The following ANTXR1 variants were observed in gnomAD, a reference collection of about 807,000 sequenced individuals.
ANTXR1 encodes the protein ANTXR cell adhesion molecule 1.
In ANTXR1, 19 loss-of-function variants were observed where a neutral mutation model predicts 78.1. That is an observed-to-expected ratio of 0.24 (90% CI 0.17 to 0.36). The LOEUF (loss-of-function observed/expected upper bound fraction) is 0.36. Ranked by LOEUF, ANTXR1 falls within the 10% of genes least tolerant of loss-of-function variation. ANTXR1 has a pLI of 1.00. For synonymous variants in ANTXR1, 273 were observed against 260.5 expected (o/e 1.05, Z -0.46); for missense variants, 518 against 718.6 (o/e 0.72, Z 3.19).
At chr2:69,079,155 A>G (rs13022301) in intron 8 of ANTXR1, among the ~76,000 whole-genome samples, 108,132 of 152,040 alleles carry the variant, frequency 0.71, 39,030 homozygotes, top group African/African-American at 0.82. Context: ...AGAAAGTGGA[A>G]ATTATTGATA....
At chr2:69,126,475 T>C (rs1301470884) in intron 12 of ANTXR1, among the ~76,000 whole-genome samples, 3 of 152,142 alleles carry the variant, frequency 2.0e-5, no homozygotes, top group African/African-American at 7.2e-5. Context: ...AAATTGACCC[T>C]TCTGGGACCT....
At chr2:69,032,303 A>G (rs558292966) in intron 1 of ANTXR1, among the ~76,000 whole-genome samples, 1 of 152,282 alleles carries the variant, frequency 6.6e-6, no homozygotes, top group South Asian at 2.1e-4. Flanking sequence ...AGTGAAGGCA[A>G]TGGTTCTATC....
intron 17 of ANTXR1, among the ~76,000 whole-genome samples, chr2:69,228,752 G>C (rs1230947293): frequency 1.3e-5 from 2 of 152,174 alleles, no homozygotes; most frequent in African/African-American, 4.8e-5. Flanking sequence ...AGGGGGCTTG[G>C]CCAGTGTGAC....
At position 69,118,738 on chromosome 2, in the gene ANTXR1, C is replaced by T. The variant is rs576531545; in HGVS notation, c.803-4279C>T. ...CACGGCCCTGGGGCCAAACGTGGCA[C>T]GGCCGAGGTGCAGCAAGGAAGGCTT... On this transcript the variant is annotated intron_variant, in intron 10 of 17. Coordinates refer to ENST00000303714, the MANE Select transcript of ANTXR1 (RefSeq NM_032208.3). 1.1e-4 allele frequency among the ~76,000 whole-genome samples: 16 copies of T among 152,282 alleles called. No homozygotes were observed. The East Asian group carries it at 1.7e-3, about 17-fold the overall frequency.
Position 69,183,951 on chromosome 2 carries a change from A to G in ANTXR1, c.1353+1291A>G, listed in dbSNP as rs6732291. On this transcript the variant is annotated intron_variant, in intron 16 of 17. Coordinates refer to ENST00000303714, the MANE Select transcript of ANTXR1 (RefSeq NM_032208.3). ...GTCTGGAAAACAAGGCCCCCAACTCAGGGCTACAGACTCCAGTTTCAAGCT... is the reference window on the plus strand; with the variant it reads ...GTCTGGAAAACAAGGCCCCCAACTCGGGGCTACAGACTCCAGTTTCAAGCT... Among the ~76,000 whole-genome samples, 279 of 152,228 alleles carry G rather than the reference A, an allele frequency of 1.8e-3. 1 individual carries two copies. The highest frequency in any genetic ancestry group is 6.2e-3 in the African/African-American group (258 of 41,546).
At chr2:69,131,163 C>G (rs925810719) in intron 12 of ANTXR1, among the ~76,000 whole-genome samples, 9 of 152,192 alleles carry the variant, frequency 5.9e-5, no homozygotes, top group African/African-American at 1.9e-4. Flanking sequence ...TCTATATGTA[C>G]TTTCTTTGGG....
intron 1 of ANTXR1, among the ~76,000 whole-genome samples, chr2:69,019,465 GATAT>G (rs757186066): frequency 5.3e-5 from 8 of 151,808 alleles, no homozygotes; most frequent in Non-Finnish European, 1.0e-4. Context: ...GGGTTTTCTG[GATAT>G]ATAATTATAT....
intron 14 of ANTXR1, chr2:69,172,431 C>T: frequency 6.2e-7 from 1 of 1,600,556 alleles, no homozygotes; most frequent in Non-Finnish European, 8.5e-7. Flanking sequence ...TAACCTAACA[C>T]AGCCCGTGCA....
intron 1 of ANTXR1, among the ~76,000 whole-genome samples, chr2:69,020,668 G>A (rs1671165394): frequency 6.6e-6 from 1 of 152,198 alleles, no homozygotes; most frequent in Non-Finnish European, 1.5e-5. Context: ...GTGTGTCTAT[G>A]TTTGGTATGC....
rs541350612 is a variant in ANTXR1 at position 69,206,804 on chromosome 2, A to T, written c.1434+13389A>T. On this transcript the variant is annotated intron_variant, in intron 17 of 17. Coordinates refer to ENST00000303714, the MANE Select transcript of ANTXR1 (RefSeq NM_032208.3). ...CCCACAGCACCTCATCAGCTGCACTAGTGTGTTCTGCAGTAGATCCACTGC... is the reference window on the plus strand; with the variant it reads ...CCCACAGCACCTCATCAGCTGCACTTGTGTGTTCTGCAGTAGATCCACTGC... 2.6e-5 allele frequency among the ~76,000 whole-genome samples: 4 copies of T among 152,318 alleles called. No homozygotes were observed. In the South Asian group the frequency reaches 8.3e-4, roughly 32 times the overall value.
At chr2:69,129,439 G>C (rs775957766) in intron 12 of ANTXR1, among the ~76,000 whole-genome samples, 10 of 152,124 alleles carry the variant, frequency 6.6e-5, no homozygotes, top group Non-Finnish European at 1.2e-4. Context: ...GTTGGAGAAA[G>C]AGTCCAACAA....
At chr2:69,033,725 T>C (rs993290042) in intron 1 of ANTXR1, among the ~76,000 whole-genome samples, 2 of 152,226 alleles carry the variant, frequency 1.3e-5, no homozygotes, top group African/African-American at 2.4e-5. Context: ...ATAATTTCCA[T>C]CCTTAGAGCT....
intron 17 of ANTXR1, among the ~76,000 whole-genome samples, chr2:69,221,881 G>T (rs2104511318): frequency 6.6e-6 from 1 of 152,248 alleles, no homozygotes; most frequent in East Asian, 1.9e-4. Context: ...TTTAATAAAA[G>T]AAATGGTAAT....
chr2:69,045,667 G>C (rs75441229), intron 3 of ANTXR1, among the ~76,000 whole-genome samples: 5,846 of 152,238 alleles, frequency 0.038, 292 homozygotes, highest in East Asian at 0.22. Flanking sequence ...TAACAGGACA[G>C]AGTAAAATTT....
At chr2:69,210,847 A>G (rs901669218) in intron 17 of ANTXR1, among the ~76,000 whole-genome samples, 3 of 151,976 alleles carry the variant, frequency 2.0e-5, no homozygotes, top group African/African-American at 7.3e-5. Flanking sequence ...GTGGCACAAG[A>G]ATCACTTGAA....
intron 12 of ANTXR1, among the ~76,000 whole-genome samples, chr2:69,140,567 A>C (rs2104413648): frequency 6.6e-6 from 1 of 152,326 alleles, no homozygotes; most frequent in Admixed American, 6.5e-5. Flanking sequence ...CAAGCTCAGA[A>C]CTTTCATGAA....
In ANTXR1 at chr2:69,038,463, AC is replaced by A. The variant is rs1669511672; in HGVS notation, c.153-1578del. 5.3e-5 allele frequency among the ~76,000 whole-genome samples: 8 copies of A among 152,274 alleles called. No individual in the cohort carries two copies. The South Asian group carries it at 1.7e-3, about 32-fold the overall frequency. On this transcript the variant is annotated intron_variant, in intron 1 of 17. Coordinates refer to ENST00000303714, the MANE Select transcript of ANTXR1 (RefSeq NM_032208.3). Reference sequence around the variant, plus strand: ...ATCCAGGATTGAATCATTGCTTTTGACCCTTTTTACAGTGCCTATTATAAGA... The same window carrying A: ...ATCCAGGATTGAATCATTGCTTTTGACCTTTTTACAGTGCCTATTATAAGA...
chr2:69,038,856 T>C (rs1479296124), intron 1 of ANTXR1, among the ~76,000 whole-genome samples: 1 of 152,144 alleles, frequency 6.6e-6, no homozygotes, highest in Non-Finnish European at 1.5e-5. Context: ...GAAAAATAAA[T>C]TGCCCTCCTG....
intron 10 of ANTXR1, among the ~76,000 whole-genome samples, chr2:69,108,068 C>CA (rs1271466973): frequency 1.3e-5 from 2 of 152,224 alleles, no homozygotes; most frequent in African/African-American, 4.8e-5. Flanking sequence ...ATGGTAGCCA[C>CA]AAGCCACATG....
Sources: allele counts gnomAD v4.1 joint callset (sites outside exome capture counted in the v4.1 genomes callset), GRCh38; gene constraint gnomAD v4.1.1; transcripts MANE v1.5; gene names NCBI Gene and HGNC (gene_info 2026-07-23, HGNC 2026-07-21).